Variants in INPP4B observed in about 807,000 individuals in gnomAD.
The protein encoded by INPP4B is inositol polyphosphate-4-phosphatase type II B.
Under a neutral mutation model 122.5 loss-of-function variants are expected in INPP4B, and 55 were observed. The observed-to-expected ratio is 0.45, with a 90% CI of 0.36 to 0.56. The LOEUF (loss-of-function observed/expected upper bound fraction) is 0.56. Ranked by LOEUF, INPP4B falls within the 20% of genes least tolerant of loss-of-function variation. INPP4B has a pLI of 0.00. For synonymous variants in INPP4B, 403 were observed against 388.7 expected, an observed-to-expected ratio of 1.04 and a Z score of -0.43; for missense variants, 1,000 against 1,097.7, an observed-to-expected ratio of 0.91 and a Z score of 1.26.
chr4:142,183,441 T>A (rs1831759092), intron 15 of INPP4B, among the ~76,000 whole-genome samples: 1 of 152,242 alleles, frequency 6.6e-6, no homozygotes, highest in Non-Finnish European at 1.5e-5. Flanking sequence ...AAGTGTTTGA[T>A]TTTTCCATGA....
intron 1 of INPP4B, among the ~76,000 whole-genome samples, chr4:142,833,879 A>T (rs1027957873): frequency 6.6e-6 from 1 of 152,156 alleles, no homozygotes. Context: ...CCTCACCTCA[A>T]TAGCGCACCC....
intron 25 of INPP4B, among the ~76,000 whole-genome samples, chr4:142,036,656 A>G (rs1744161266): frequency 6.6e-6 from 1 of 152,214 alleles, no homozygotes; most frequent in African/African-American, 2.4e-5. Context: ...TCACTAAATT[A>G]AAAGGTTTTT....
intron 25 of INPP4B, among the ~76,000 whole-genome samples, chr4:142,061,706 G>A (rs1760713877): frequency 6.6e-6 from 1 of 151,236 alleles, no homozygotes; most frequent in African/African-American, 2.4e-5. Flanking sequence ...ATGAAAATGA[G>A]GTTTATAAAC....
intron 1 of INPP4B, among the ~76,000 whole-genome samples, chr4:142,816,556 C>T (rs1780140838): frequency 6.6e-6 from 1 of 151,742 alleles, no homozygotes; most frequent in Admixed American, 6.6e-5. Flanking sequence ...TATTTCTCAT[C>T]TTAAAAAAAA....
At chr4:142,650,993 C>A (rs1327336362) in intron 2 of INPP4B, among the ~76,000 whole-genome samples, 1 of 152,036 alleles carries the variant, frequency 6.6e-6, no homozygotes, top group Non-Finnish European at 1.5e-5. Context: ...TTGGCAAATG[C>A]AAATGAACAG....
intron 1 of INPP4B, among the ~76,000 whole-genome samples, chr4:142,834,089 T>C (rs1057321671): frequency 6.6e-6 from 1 of 152,130 alleles, no homozygotes; most frequent in African/African-American, 2.4e-5. Context: ...GTAGCCAAGC[T>C]CCAAAATATA....
At chr4:142,209,962 C>T (rs1346745540) in intron 12 of INPP4B, among the ~76,000 whole-genome samples, 1 of 152,084 alleles carries the variant, frequency 6.6e-6, no homozygotes, top group South Asian at 2.1e-4. Flanking sequence ...ATTTAGGCTT[C>T]AATTATTAAC....
At chr4:142,537,417 T>G (rs1233395969) in intron 2 of INPP4B, among the ~76,000 whole-genome samples, 1 of 49,678 alleles carries the variant, frequency 2.0e-5, no homozygotes, top group Non-Finnish European at 4.2e-5. Flanking sequence ...TATATATATA[T>G]ATATATATAT....
chr4:142,146,905 T>G (rs965140204), intron 17 of INPP4B, among the ~76,000 whole-genome samples: 1 of 152,192 alleles, frequency 6.6e-6, no homozygotes, highest in African/African-American at 2.4e-5. Context: ...TTCTCATTAG[T>G]AGCCATTTTT....
At chr4:142,236,436 G>A (rs1365139473) in intron 12 of INPP4B, among the ~76,000 whole-genome samples, 1 of 152,042 alleles carries the variant, frequency 6.6e-6, no homozygotes, top group Non-Finnish European at 1.5e-5. Context: ...GGATAACTTG[G>A]CTTCTTAACT....
chr4:142,032,311 T>C (rs1350415289), intron 25 of INPP4B, among the ~76,000 whole-genome samples: 8 of 152,064 alleles, frequency 5.3e-5, no homozygotes, highest in Admixed American at 1.3e-4. Context: ...TGACCTGAAC[T>C]AGTGGATGGC....
At chr4:142,076,814 A>G (rs1182185770) in intron 25 of INPP4B, among the ~76,000 whole-genome samples, 2 of 152,102 alleles carry the variant, frequency 1.3e-5, no homozygotes, top group Non-Finnish European at 2.9e-5. Flanking sequence ...TCTCTTTAAT[A>G]TTTGAAATAG....
chr4:142,145,772 A>T (rs1464369621), intron 18 of INPP4B, 68 bp downstream of exon 18: 9 of 1,430,394 alleles, frequency 6.3e-6, no homozygotes, highest in Non-Finnish European at 8.7e-6. Context: ...CTTCTATATC[A>T]TTTTTTTTTC....
intron 2 of INPP4B, among the ~76,000 whole-genome samples, chr4:142,693,287 T>G (rs1260488230): frequency 6.6e-6 from 1 of 152,014 alleles, no homozygotes; most frequent in Non-Finnish European, 1.5e-5. Context: ...GAACAGTTAT[T>G]ACTACAGGGT....
At chr4:142,805,530 T>C (rs568128260) in intron 1 of INPP4B, among the ~76,000 whole-genome samples, 40 of 152,268 alleles carry the variant, frequency 2.6e-4, no homozygotes, top group Admixed American at 7.8e-4. Flanking sequence ...TGGGTCCACT[T>C]ACATGCAGAT....
At chr4:142,651,110 C>T (rs1171899453) in intron 2 of INPP4B, among the ~76,000 whole-genome samples, 2 of 152,116 alleles carry the variant, frequency 1.3e-5, no homozygotes, top group Non-Finnish European at 2.9e-5. Context: ...AATCCTGCTC[C>T]TAAATGACTA....
rs542974600 is a variant in INPP4B, at chr4:142,390,110, G to A, written c.372+12828C>T. On this transcript the variant is annotated intron_variant, in intron 7 of 25. Transcript: ENST00000262992. ...CAGGAATTATAAAGAATTATAAAAT[G>A]TTTATGAGAATCTCACCATACGGTC... is the stretch of plus-strand genomic sequence containing the variant. Among the ~76,000 whole-genome samples the A allele has an allele frequency of 5.9e-5, 9 of 152,200 alleles. 1 individual carries two copies. The highest frequency in any genetic ancestry group is 1.3e-4 in the Admixed American group (2 of 15,292).
chr4:142,284,522 A>T (rs1324388594), intron 9 of INPP4B, among the ~76,000 whole-genome samples: 1 of 152,194 alleles, frequency 6.6e-6, no homozygotes, highest in Non-Finnish European at 1.5e-5. Flanking sequence ...TGAAAATCAG[A>T]TAAATCAGCT....
chr4:142,294,151 T>C (rs1387393392), intron 9 of INPP4B, among the ~76,000 whole-genome samples: 1 of 152,180 alleles, frequency 6.6e-6, no homozygotes, highest in Non-Finnish European at 1.5e-5. Context: ...TTATGCAATA[T>C]ATCATGTATC....
Sources: gnomAD v4.1 joint callset for allele counts (sites outside exome capture counted in the v4.1 genomes callset) on GRCh38, gnomAD v4.1.1 for gene constraint, MANE v1.5 for transcripts, NCBI Gene and HGNC (gene_info 2026-07-23, HGNC 2026-07-21) for gene names.